The following TEX10 variants were observed in gnomAD, a reference collection of about 807,000 sequenced individuals.
TEX10 encodes the protein testis-expressed protein 10.
A neutral mutation model predicts 104.4 loss-of-function variants in TEX10; 24 were observed. The observed-to-expected ratio is 0.23, with a 90% CI of 0.17 to 0.32. The LOEUF (loss-of-function observed/expected upper bound fraction) is 0.32, where lower values mean the gene tolerates loss of function less well. Among genes scored for constraint, TEX10 ranks in the 10% least tolerant of loss-of-function variants. The pLI is 1.00. For synonymous variants in TEX10, 396 were observed against 393.4 expected, an observed-to-expected ratio of 1.01 and a Z score of -0.08; for missense variants, 921 against 1,083.9, an observed-to-expected ratio of 0.85 and a Z score of 2.11.
chr9:100,312,446 G>C (rs1407648966), intron 11 of TEX10, among the ~76,000 whole-genome samples: 1 of 152,182 alleles, frequency 6.6e-6, no homozygotes, highest in Non-Finnish European at 1.5e-5. Flanking sequence ...GTTTCTATCA[G>C]AGAAAGCAGG....
chr9:100,341,224 C>G (rs1835163647), intron 4 of TEX10, among the ~76,000 whole-genome samples: 1 of 152,190 alleles, frequency 6.6e-6, no homozygotes. Context: ...CCTTGGCCTC[C>G]CAAAGTGCTG....
chr9:100,349,993 C>A (rs1835402223), intron 1 of TEX10, among the ~76,000 whole-genome samples: 1 of 152,092 alleles, frequency 6.6e-6, no homozygotes, highest in Non-Finnish European at 1.5e-5. Context: ...AAACCTCAGA[C>A]TAAACAGAAA....
intron 1 of TEX10, among the ~76,000 whole-genome samples, chr9:100,351,096 A>T (rs578040275): frequency 1.3e-5 from 2 of 152,228 alleles, no homozygotes; most frequent in East Asian, 3.9e-4. Flanking sequence ...TGCATTGTGT[A>T]CCTCAGTATA....
intron 1 of TEX10, 110 bp downstream of exon 1, chr9:100,352,662 C>G: frequency 7.1e-7 from 1 of 1,416,570 alleles, no homozygotes; most frequent in Non-Finnish European, 9.2e-7. Context: ...GGACGCAAAT[C>G]GTGCACGGCC....
chr9:100,349,840 A>G (rs888297943), intron 1 of TEX10, among the ~76,000 whole-genome samples: 2 of 152,220 alleles, frequency 1.3e-5, no homozygotes, highest in Admixed American at 1.3e-4. Flanking sequence ...ACCATTAGAA[A>G]AAGATTTATG....
chr9:100,349,759 C>A (rs1481395717), intron 1 of TEX10, among the ~76,000 whole-genome samples: 1 of 152,046 alleles, frequency 6.6e-6, no homozygotes, highest in Non-Finnish European at 1.5e-5. Flanking sequence ...TTCGTAAGAG[C>A]CTCGGAGGAA....
chr9:100,311,349 A>G (rs1834277018), intron 11 of TEX10, among the ~76,000 whole-genome samples: 3 of 152,198 alleles, frequency 2.0e-5, no homozygotes, highest in Admixed American at 2.0e-4. Context: ...GCAGTAAGCC[A>G]TAATGGTGAC....
At chr9:100,329,055 T>G in intron 7 of TEX10, 85 bp downstream of exon 7, 1 of 1,354,688 alleles carries the variant, frequency 7.4e-7, no homozygotes, top group Non-Finnish European at 9.9e-7. Context: ...CTCCAAAGAT[T>G]TAATCTCTCT....
chr9:100,335,538 C>T (rs1834985484), intron 5 of TEX10, among the ~76,000 whole-genome samples: 1 of 152,016 alleles, frequency 6.6e-6, no homozygotes, highest in Non-Finnish European at 1.5e-5. Context: ...ATGTTTACTG[C>T]TTATTCAGGA....
chr9:100,346,532 C>T (rs1489717382), intron 3 of TEX10, among the ~76,000 whole-genome samples, 162 bp downstream of exon 3: 1 of 152,130 alleles, frequency 6.6e-6, no homozygotes, highest in Non-Finnish European at 1.5e-5. Context: ...AATAAATTAA[C>T]ATACAAATAA....
At chr9:100,351,957 T>C (rs1171963438) in intron 1 of TEX10, among the ~76,000 whole-genome samples, 1 of 152,154 alleles carries the variant, frequency 6.6e-6, no homozygotes, top group Non-Finnish European at 1.5e-5. Flanking sequence ...ACATCACTAG[T>C]CCTTAGGTTT....
chr9:100,321,549 CA>C, intron 10 of TEX10, 133 bp downstream of exon 10: 1 of 682,304 alleles, frequency 1.5e-6, no homozygotes, highest in Non-Finnish European at 2.4e-6. Flanking sequence ...TTACTAATCA[CA>C]AAAATCACTC....
chr9:100,347,837 A>C (rs1334755010), intron 2 of TEX10, among the ~76,000 whole-genome samples: 1 of 152,204 alleles, frequency 6.6e-6, no homozygotes, highest in Non-Finnish European at 1.5e-5. Flanking sequence ...TATCTGTGGA[A>C]TAATTTATGT....
intron 4 of TEX10, among the ~76,000 whole-genome samples, chr9:100,341,694 A>G (rs1327686843): frequency 6.6e-6 from 1 of 152,104 alleles, no homozygotes; most frequent in African/African-American, 2.4e-5. Context: ...CCAAAAGTCA[A>G]TTCCCCACAC....
chr9:100,331,479 A>G (rs914265359), intron 5 of TEX10, among the ~76,000 whole-genome samples: 19 of 152,204 alleles, frequency 1.2e-4, no homozygotes, highest in African/African-American at 4.3e-4. Flanking sequence ...TAAAGCCATA[A>G]ATATCTCAAG....
intron 4 of TEX10, among the ~76,000 whole-genome samples, chr9:100,340,794 A>G (rs1022319492): frequency 6.6e-6 from 1 of 152,204 alleles, no homozygotes; most frequent in Non-Finnish European, 1.5e-5. Context: ...CTTCAGTAGT[A>G]TTGGTGAATT....
At chr9:100,321,126 C>G (rs1834561002) in intron 10 of TEX10, among the ~76,000 whole-genome samples, 1 of 152,172 alleles carries the variant, frequency 6.6e-6, no homozygotes. Context: ...CTGACAACTA[C>G]TATTAAAACA....
rs866200510 is a variant in TEX10 at position 100,330,309 on chromosome 9, G to C, written c.1251-140C>G. 32 of 694,162 alleles carry C rather than the reference G, an allele frequency of 4.6e-5. No individual in the cohort carries two copies. In the South Asian group the frequency reaches 5.7e-4, roughly 12 times the overall value. 43.0% of individuals were successfully genotyped at this position (694,162 alleles called of 1,614,324 possible). On this transcript the variant is annotated intron_variant, in intron 5 of 14. Coordinates refer to ENST00000374902, the MANE Select transcript of TEX10 (RefSeq NM_017746.4). ...AGATGGCCAAGAAGATAGGTGCATA[G>C]GCAAGACTTAGGCCACAGTTCTATA...
chr9:100,305,579 T>C (rs1345064416), intron 13 of TEX10: 2 of 152,182 alleles, frequency 1.3e-5, no homozygotes, highest in African/African-American at 4.8e-5. Context: ...TTTCTACTTT[T>C]CTTAATTTGA....
Sources: gnomAD v4.1 joint callset for allele counts (sites outside exome capture counted in the v4.1 genomes callset) on GRCh38, gnomAD v4.1.1 for gene constraint, MANE v1.5 for transcripts, NCBI Gene and HGNC (gene_info 2026-07-23, HGNC 2026-07-21) for gene names.